The following ZNF385D variants were observed in gnomAD, a reference collection of about 807,000 sequenced individuals.
ZNF385D encodes zinc finger protein 385D.
ZNF385D carries 15 observed loss-of-function variants against 35.8 expected under a neutral mutation model. That is an observed-to-expected ratio of 0.42 (90% confidence interval 0.28 to 0.64). The LOEUF (loss-of-function observed/expected upper bound fraction) is 0.64. Among genes scored for constraint, ZNF385D ranks in the 30% least tolerant of loss-of-function variants. ZNF385D has a pLI of 0.23. For synonymous variants in ZNF385D, 212 were observed against 186.8 expected (o/e 1.13, Z -1.10); for missense variants, 474 against 494.6 (o/e 0.96, Z 0.39).
At chr3:21,549,337 G>A (rs534976883) in intron 3 of ZNF385D, among the ~76,000 whole-genome samples, 10 of 152,212 alleles carry the variant, frequency 6.6e-5, no homozygotes, top group Admixed American at 2.6e-4. Context: ...GTAGATTCCC[G>A]TGCTCTTGGC....
chr3:22,302,521 G>A (rs1379643395), intron 2 of ZNF385D, among the ~76,000 whole-genome samples: 1 of 151,862 alleles, frequency 6.6e-6, no homozygotes, highest in African/African-American at 2.4e-5. Flanking sequence ...TGTCCTTAGT[G>A]TAAACAGTAC....
chr3:22,211,110 A>C (rs1374955344), intron 2 of ZNF385D, among the ~76,000 whole-genome samples: 1 of 151,922 alleles, frequency 6.6e-6, no homozygotes, highest in African/African-American at 2.4e-5. Context: ...GAACTGATTT[A>C]AGTAGAAGGA....
chr3:22,248,267 G>A (rs1243845622), intron 2 of ZNF385D, among the ~76,000 whole-genome samples: 3 of 152,150 alleles, frequency 2.0e-5, no homozygotes, highest in Admixed American at 1.3e-4. Context: ...GTCTGTACAA[G>A]ACCACACACA....
chr3:21,894,031 T>C (rs544241102), intron 3 of ZNF385D, among the ~76,000 whole-genome samples: 16 of 152,306 alleles, frequency 1.1e-4, no homozygotes, highest in African/African-American at 3.6e-4. Flanking sequence ...TATCCAATGA[T>C]AGAATACTTG....
At chr3:22,098,546 C>A (rs1483803110) in intron 3 of ZNF385D, among the ~76,000 whole-genome samples, 1 of 151,984 alleles carries the variant, frequency 6.6e-6, no homozygotes, top group Non-Finnish European at 1.5e-5. Flanking sequence ...TAAGAATGGT[C>A]ATTTTAACAA....
intron 3 of ZNF385D, among the ~76,000 whole-genome samples, chr3:21,535,514 T>C (rs1319705930): frequency 6.6e-6 from 1 of 152,160 alleles, no homozygotes; most frequent in African/African-American, 2.4e-5. Flanking sequence ...TGCTCCTGTT[T>C]TGTTAGGCAT....
intron 3 of ZNF385D, among the ~76,000 whole-genome samples, chr3:21,968,995 TGA>T (rs1265123430): frequency 2.0e-5 from 3 of 152,134 alleles, no homozygotes; most frequent in African/African-American, 4.8e-5. Flanking sequence ...CCCATTCTCC[TGA>T]GAGACACAGA....
chr3:21,921,261 T>C (rs896829103), intron 3 of ZNF385D, among the ~76,000 whole-genome samples: 1 of 146,622 alleles, frequency 6.8e-6, no homozygotes, highest in Non-Finnish European at 1.5e-5. Context: ...GAACGAAGCA[T>C]CAAATAAATG....
chr3:21,969,881 G>T (rs1483218955), intron 3 of ZNF385D, among the ~76,000 whole-genome samples: 1 of 152,158 alleles, frequency 6.6e-6, no homozygotes, highest in Non-Finnish European at 1.5e-5. Context: ...ATTTGTTTGG[G>T]TGATAGTAAG....
intron 2 of ZNF385D, among the ~76,000 whole-genome samples, chr3:22,200,447 G>A (rs868206403): frequency 6.6e-6 from 1 of 152,046 alleles, no homozygotes; most frequent in Non-Finnish European, 1.5e-5. Flanking sequence ...CAAATAGGGT[G>A]TGGGTCACAG....
chr3:21,700,391 T>A (rs139321175), intron 1 of ZNF385D, among the ~76,000 whole-genome samples: 62 of 152,188 alleles, frequency 4.1e-4, no homozygotes, highest in African/African-American at 1.4e-3. Context: ...AGTAAAGGAG[T>A]AAACTTTAGC....
chr3:21,637,854 A>C (rs886258810), intron 2 of ZNF385D, among the ~76,000 whole-genome samples: 4 of 152,128 alleles, frequency 2.6e-5, no homozygotes, highest in African/African-American at 9.7e-5. Flanking sequence ...TTAAATTTTA[A>C]GAAACTCCTG....
intron 3 of ZNF385D, among the ~76,000 whole-genome samples, chr3:21,892,435 C>T (rs1280752776): frequency 6.6e-6 from 1 of 152,102 alleles, no homozygotes; most frequent in Non-Finnish European, 1.5e-5. Flanking sequence ...GTGCTCTTAC[C>T]CTTAACTCAA....
chr3:21,491,219 T>C (rs1463123197), intron 4 of ZNF385D, among the ~76,000 whole-genome samples: 2 of 148,980 alleles, frequency 1.3e-5, no homozygotes, highest in African/African-American at 5.0e-5. Context: ...AAAGGGGTTT[T>C]TTTTTTGGGA....
intron 3 of ZNF385D, among the ~76,000 whole-genome samples, chr3:21,917,500 T>C (rs1393696705): frequency 1.3e-5 from 2 of 152,080 alleles, no homozygotes; most frequent in East Asian, 3.9e-4. Context: ...GATGAAGGAC[T>C]TGTATCAAGT....
At chr3:21,800,584 G>C (rs1001051567) in intron 3 of ZNF385D, among the ~76,000 whole-genome samples, 6 of 152,132 alleles carry the variant, frequency 3.9e-5, no homozygotes, top group Non-Finnish European at 8.8e-5. Flanking sequence ...GCCAGCTCAG[G>C]CAACAGAGTG....
intron 2 of ZNF385D, among the ~76,000 whole-genome samples, chr3:21,603,640 A>T (rs955950326): frequency 6.7e-6 from 1 of 149,300 alleles, no homozygotes; most frequent in Non-Finnish European, 1.5e-5. Context: ...CATTTGTTTT[A>T]AAAATATACA....
intron 2 of ZNF385D, among the ~76,000 whole-genome samples, chr3:22,301,371 C>G (rs955478010): frequency 2.0e-5 from 3 of 151,928 alleles, no homozygotes; most frequent in African/African-American, 4.8e-5. Flanking sequence ...AAGATGGTGA[C>G]TATAGTTAAT....
At chr3:21,831,699 C>T (rs553772962) in intron 3 of ZNF385D, among the ~76,000 whole-genome samples, 1 of 152,152 alleles carries the variant, frequency 6.6e-6, no homozygotes, top group Non-Finnish European at 1.5e-5. Context: ...GGAGTTAGAT[C>T]GCTTTGCCTT....
Sources: gnomAD v4.1 joint callset for allele counts (sites outside exome capture counted in the v4.1 genomes callset) on GRCh38, gnomAD v4.1.1 for gene constraint, MANE v1.5 for transcripts, NCBI Gene and HGNC (gene_info 2026-07-23, HGNC 2026-07-21) for gene names.